ZNF318: variants seen among roughly 807,000 people sequenced by gnomAD.
The protein encoded by ZNF318 is endocrine regulator.
A neutral mutation model predicts 124.2 loss-of-function variants in ZNF318; 51 were observed. The observed-to-expected ratio is 0.41, with a 90% confidence interval of 0.33 to 0.52. ZNF318 has a LOEUF of 0.52. Among genes scored for constraint, ZNF318 ranks in the 20% least tolerant of loss-of-function variants. ZNF318 has a pLI of 0.23. For missense variants in ZNF318, 2,815 were observed against 2,811.2 expected, an observed-to-expected ratio of 1.00 and a Z score of -0.03; for synonymous variants, 1,090 against 1,040.7, an observed-to-expected ratio of 1.05 and a Z score of -0.91.
At position 43,338,447 on chromosome 6, in the gene ZNF318, C is replaced by T; in HGVS notation, c.5551G>A (p.Val1851Ile). ...GCCTGTGGACTCAATTTGATCACTA[C>T]TTTACTTGGAGTTTCACTTCCTGTC... ...LMTGSETPSK[V>I]VIKLSPQACS... Residue 1851 changes from valine to isoleucine, a missense_variant, in exon 10 of 10, where the codon GTA (valine) becomes ATA (isoleucine). This residue lies in a region of ZNF318 where 927 missense variants were observed against 820.6 expected (regional missense o/e 1.13). Coordinates refer to ENST00000361428, the MANE Select transcript of ZNF318 (RefSeq NM_014345.3). The T allele has an allele frequency of 1.2e-6, 2 of 1,614,200 alleles. No homozygotes were observed. The highest frequency in any genetic ancestry group is 2.7e-5 in the African/African-American group (2 of 75,056).
At position 43,339,841 on chromosome 6, in the gene ZNF318, G is replaced by A; in HGVS notation, c.4157C>T (p.Ala1386Val). 1 of 1,614,206 alleles carries A rather than the reference G, an allele frequency of 6.2e-7. No homozygotes were observed. The highest frequency in any genetic ancestry group is 1.1e-5 in the South Asian group (1 of 91,082). ...CTCTTTAACCACTGGCAGAGGTTTA[G>A]CAGTGGTTCCAGAGGACTTAATAGA... is the stretch of plus-strand genomic sequence containing the variant. ...FLSIKSSGTT[A>V]KPLPVVKESS... The change falls in exon 10 of 10, where the codon GCT (alanine) becomes GTT (valine). Residue 1386 changes from alanine (A) to valine (V), a missense_variant. Ala to Val is a moderately conservative substitution (Grantham distance 64). Transcript: ENST00000361428. This position sits in a 1 kb window ranked among gnomAD's most constrained non-coding sequence, Gnocchi z 4.2.
chr6:43,349,122 G>C (rs1192311055), intron 5 of ZNF318, among the ~76,000 whole-genome samples: 1 of 152,132 alleles, frequency 6.6e-6, no homozygotes, highest in African/African-American at 2.4e-5. Context: ...TAAAGAATGG[G>C]TTATGACATT....
chr6:43,348,471 T>G lies in ZNF318; in HGVS notation c.2925A>C (p.Lys975Asn). The change falls in exon 6 of 10, where the codon AAA becomes AAC. Residue 975 changes from lysine to asparagine, a missense_variant. Coordinates refer to ENST00000361428, the MANE Select transcript of ZNF318 (RefSeq NM_014345.3). ...TGTTAATTCCCAAGATCTGAGCCACTTTGTCCAGTTCAGATTGCTTCTTTT... is the reference window on the plus strand; with the variant it reads ...TGTTAATTCCCAAGATCTGAGCCACGTTGTCCAGTTCAGATTGCTTCTTTT... ...EAEKKQSELD[K>N]VAQILGINIF... 6.2e-7 allele frequency: 1 copy of G among 1,614,164 alleles called. No individual in the cohort carries two copies. Among genetic ancestry groups the G allele is most frequent in the Non-Finnish European group, 8.5e-7 (1 of 1,180,024 alleles).
intron 2 of ZNF318, among the ~76,000 whole-genome samples, chr6:43,360,814 G>A (rs934437372): frequency 3.9e-5 from 6 of 152,090 alleles, no homozygotes; most frequent in African/African-American, 1.4e-4. Flanking sequence ...AATATGCTAA[G>A]TGAAAGAAGC....
intron 6 of ZNF318, among the ~76,000 whole-genome samples, chr6:43,345,849 G>A (rs1323728337): frequency 6.6e-6 from 1 of 152,140 alleles, no homozygotes; most frequent in Non-Finnish European, 1.5e-5. Context: ...GCTCACATCT[G>A]TAATACTAGC....
chr6:43,344,595 T>C (rs964118241), intron 6 of ZNF318, among the ~76,000 whole-genome samples: 3 of 152,168 alleles, frequency 2.0e-5, no homozygotes, highest in African/African-American at 4.8e-5. Context: ...ATACTTTCTC[T>C]AACCACTCTA....
chr6:43,364,387 G>A (rs986888802), intron 2 of ZNF318: 5 of 257,544 alleles, frequency 1.9e-5, no homozygotes, highest in African/African-American at 9.2e-5. Context: ...CACAGCCAAT[G>A]GAACTTTTAG....
chr6:43,339,697 G>C lies in ZNF318; in HGVS notation c.4301C>G (p.Ser1434Cys). Residue 1434 changes from serine (S) to cysteine (C), a missense_variant, in exon 10 of 10, where the codon TCT (serine) becomes TGT (cysteine). By Grantham distance (112) the Ser-to-Cys change is moderately radical. Transcript: ENST00000361428. The surrounding 1 kb of genome is among the most constrained non-coding windows in gnomAD (Gnocchi z 4.2). ...KVVLAEKSEPSHLPEQILPPP... is the reference protein window; with the variant it reads ...KVVLAEKSEPCHLPEQILPPP... ...TGGTAGTATTTGTTCAGGTAAATGA[G>C]ATGGCTCACTCTTTTCAGCCAACAC... 3 of 1,613,958 alleles carry C rather than the reference G, an allele frequency of 1.9e-6. No homozygotes were observed. The highest frequency in any genetic ancestry group is 2.5e-6 in the Non-Finnish European group (3 of 1,180,008).
intron 7 of ZNF318, 63 bp from the exon 8 acceptor site, chr6:43,342,274 C>CT (rs1342688461): frequency 3.8e-5 from 52 of 1,351,424 alleles, no homozygotes; most frequent in Non-Finnish European, 4.8e-5. Flanking sequence ...CCACTTTTCT[C>CT]TTTTTTTTCC....
Position 43,338,785 on chromosome 6 carries a change from A to G in ZNF318, c.5213T>C (p.Ile1738Thr), listed in dbSNP as rs563546921. ...CAACTTCTGAGATTCTTTGCACTGT[A>G]TATCTAACAGTTGAGGAGGTGGTTC... ...GVEPPPQLLD[I>T]QCKESQKLVE... The change falls in exon 10 of 10, where the codon ATA (isoleucine) becomes ACA (threonine). Residue 1738 changes from isoleucine (I) to threonine (T), a missense_variant. By Grantham distance (89) the Ile-to-Thr change is moderately conservative (BLOSUM62 -1). Coordinates refer to ENST00000361428, the MANE Select transcript of ZNF318 (RefSeq NM_014345.3). 3.0e-5 allele frequency: 48 copies of G among 1,614,042 alleles called. No homozygotes were observed. The highest frequency in any genetic ancestry group is 6.7e-5 in the African/African-American group (5 of 74,980).
chr6:43,369,089 G>C lies in ZNF318; in HGVS notation c.277C>G (p.Pro93Ala). Residue 93 changes from proline (P) to alanine (A), a missense_variant, in exon 1 of 10, where the codon CCG (proline) becomes GCG (alanine). By Grantham distance (27) the Pro-to-Ala change is conservative. Transcript: ENST00000361428. ...PRARRGSPSPPRGRRLFPPGP... is the reference protein window; with the variant it reads ...PRARRGSPSPARGRRLFPPGP... ...GGCGGGAAGAGTCGTCGGCCCCGCG[G>C]TGGCGACGGGGAGCCGCGACGGGCC... 1 of 1,267,572 alleles carries C rather than the reference G, an allele frequency of 7.9e-7. No homozygotes were observed. The highest frequency in any genetic ancestry group is 9.9e-7 in the Non-Finnish European group (1 of 1,007,050). 78.5% of individuals were successfully genotyped at this position (1,267,572 alleles called of 1,614,324 possible). A position where few individuals can be genotyped will look rare whatever the true frequency, so the allele number is the denominator to read the frequency against.
chr6:43,369,398 T>G lies in ZNF318; in HGVS notation c.-33A>C, dbSNP rs1448024907. On this transcript the variant is annotated 5_prime_UTR_variant, in exon 1 of 10. Coordinates refer to ENST00000361428, the MANE Select transcript of ZNF318 (RefSeq NM_014345.3). ...GCAGCGGCGGCCACGGCGACAGCTC[T>G]GACCCGGGGGCGCCCTAGACGCAGG... 76 of 1,198,332 alleles carry G rather than the reference T, an allele frequency of 6.3e-5. No homozygotes were observed. Among genetic ancestry groups the G allele is most frequent in the Non-Finnish European group, 7.9e-5 (76 of 964,996 alleles). The allele number at this position is 1,198,332 out of a possible 1,614,324, so 74.2% of individuals were successfully genotyped here.
chr6:43,338,741 C>T lies in ZNF318; in HGVS notation c.5257G>A (p.Glu1753Lys). Reference protein sequence around the residue: ...SQKLVEIHLRESVNQDKESQE... With the variant: ...SQKLVEIHLRKSVNQDKESQE... ...CTTTCCTTATCCTGGTTAACAGATTCTCTGAGGTGGATTTCTACCAACTTC... is the reference window on the plus strand; with the variant it reads ...CTTTCCTTATCCTGGTTAACAGATTTTCTGAGGTGGATTTCTACCAACTTC... Residue 1753 changes from glutamate (E) to lysine (K), a missense_variant, in exon 10 of 10, where the codon GAA (glutamate) becomes AAA (lysine). Physicochemically the swap from Glu to Lys is moderately conservative, Grantham distance 56 (BLOSUM62 1). Transcript: ENST00000361428. 1 of 1,614,168 alleles carries T rather than the reference C, an allele frequency of 6.2e-7. No individual in the cohort carries two copies. Among genetic ancestry groups the T allele is most frequent in the Non-Finnish European group, 8.5e-7 (1 of 1,180,028 alleles).
intron 6 of ZNF318, among the ~76,000 whole-genome samples, chr6:43,347,483 G>A (rs1779463404): frequency 6.6e-6 from 1 of 152,208 alleles, no homozygotes; most frequent in Non-Finnish European, 1.5e-5. Context: ...GGAAAGCAGA[G>A]CACTGAGAGT....
At chr6:43,360,255 G>GA (rs1230861821) in intron 2 of ZNF318, among the ~76,000 whole-genome samples, 2 of 152,074 alleles carry the variant, frequency 1.3e-5, no homozygotes, top group African/African-American at 2.4e-5. Context: ...AGTAGAGACA[G>GA]AAAAAAGGCA....
intron 2 of ZNF318, among the ~76,000 whole-genome samples, chr6:43,361,243 C>A (rs1285357993): frequency 1.3e-5 from 2 of 152,184 alleles, no homozygotes; most frequent in Non-Finnish European, 2.9e-5. Flanking sequence ...AAATCCCACT[C>A]CTTCAATCTG....
intron 1 of ZNF318, among the ~76,000 whole-genome samples, chr6:43,367,345 A>G (rs1779775650): frequency 6.6e-6 from 1 of 152,242 alleles, no homozygotes; most frequent in African/African-American, 2.4e-5. Flanking sequence ...GATGCTCAAT[A>G]AATACATGTC....
At chr6:43,363,225 C>T (rs1428043992) in intron 2 of ZNF318, among the ~76,000 whole-genome samples, 1 of 152,202 alleles carries the variant, frequency 6.6e-6, no homozygotes, top group Non-Finnish European at 1.5e-5. Flanking sequence ...CTGAAGCTAA[C>T]TCAAAACCTC....
intron 8 of ZNF318, 66 bp downstream of exon 8, chr6:43,342,046 G>A (rs1779378958): frequency 1.4e-6 from 2 of 1,404,922 alleles, no homozygotes; most frequent in African/African-American, 2.8e-5. Context: ...TACAATGTTA[G>A]TTCAGGGACA....
Sources: gnomAD v4.1 joint callset for allele counts (sites outside exome capture counted in the v4.1 genomes callset) on GRCh38, gnomAD v4.1.1 for gene constraint, gnomAD v4.1.1 regional missense constraint, Gnocchi (gnomAD v3.1) non-coding constraint, MANE v1.5 for transcripts, NCBI Gene and HGNC (gene_info 2026-07-23, HGNC 2026-07-21) for gene names.